CD247: variants seen among roughly 807,000 people sequenced by gnomAD.
The protein encoded by CD247 is CD247 molecule.
In CD247, 13 loss-of-function variants were observed where a neutral mutation model predicts 30.0. That is an observed-to-expected ratio of 0.43 (90% CI 0.28 to 0.69). CD247 has a LOEUF of 0.69. Among genes scored for constraint, CD247 ranks in the 30% least tolerant of loss-of-function variants. The pLI, the probability that CD247 is intolerant of heterozygous loss-of-function variation, is 0.16. For missense variants in CD247, 193 were observed against 212.6 expected (o/e 0.91, Z 0.57); for synonymous variants, 72 against 80.0 (o/e 0.90, Z 0.53).
Position 167,460,501 on chromosome 1 carries a change from CTG to C in CD247, c.59-19736_59-19735del, listed in dbSNP as rs781313197. 7.9e-5 allele frequency among the ~76,000 whole-genome samples: 12 copies of C among 152,326 alleles called. No homozygotes were observed. The South Asian group carries it at 2.3e-3, about 29-fold the overall frequency. Reference sequence around the variant, plus strand: ...TACCTGTGCTTCAGAAAAATCTGCCCTGTGTGCCAAAATGTGCAGAAAGGAGA... The same window carrying C: ...TACCTGTGCTTCAGAAAAATCTGCCCTGTGCCAAAATGTGCAGAAAGGAGA... On this transcript the variant is annotated intron_variant, in intron 1 of 7. Transcript: ENST00000362089.
chr1:167,434,004 AAACAGC>A lies in CD247; in HGVS notation c.393+10_393+15del. ...AAGAGGAACTCCCTCGGAAATTAAGAAACAGCAACACTCACCTCGCCTTTCATCCCA... is the reference window on the plus strand; with the variant it reads ...AAGAGGAACTCCCTCGGAAATTAAGAAACACTCACCTCGCCTTTCATCCCA... On this transcript the variant is annotated intron_variant, in intron 6 of 7. Coordinates refer to ENST00000362089, the MANE Select transcript of CD247 (RefSeq NM_198053.3). 1 of 1,611,228 alleles carries A rather than the reference AAACAGC, an allele frequency of 6.2e-7. No individual in the cohort carries two copies. Among genetic ancestry groups the A allele is most frequent in the African/African-American group, 1.3e-5 (1 of 74,992 alleles).
chr1:167,504,006 A>G (rs1249764600), intron 1 of CD247, among the ~76,000 whole-genome samples: 2 of 151,310 alleles, frequency 1.3e-5, no homozygotes, highest in Admixed American at 6.6e-5. Flanking sequence ...ACAAACCTCA[A>G]CTCCTCCCTC....
chr1:167,473,893 A>G (rs1006718146), intron 1 of CD247, among the ~76,000 whole-genome samples: 2 of 152,102 alleles, frequency 1.3e-5, no homozygotes, highest in Non-Finnish European at 2.9e-5. Context: ...CTTGGAAATT[A>G]ACCACTACAC....
intron 1 of CD247, among the ~76,000 whole-genome samples, chr1:167,467,006 A>AT (rs1653282602): frequency 6.6e-6 from 1 of 151,450 alleles, no homozygotes; most frequent in Non-Finnish European, 1.5e-5. Flanking sequence ...CGCCCTGCTA[A>AT]TTTTTTGTAT....
chr1:167,443,351 G>A (rs1482474441), intron 1 of CD247, among the ~76,000 whole-genome samples: 1 of 152,180 alleles, frequency 6.6e-6, no homozygotes, highest in Non-Finnish European at 1.5e-5. Flanking sequence ...GCTGGGCCCA[G>A]CCCCAGGTGT....
Position 167,486,021 on chromosome 1 carries a change from C to T in CD247, c.58+32387G>A, listed in dbSNP as rs963850485. ...AAGCCTCCTTCCACGGCCCCCACTGCCATCCACACACCACTCTGACCCCTG... is the reference window on the plus strand; with the variant it reads ...AAGCCTCCTTCCACGGCCCCCACTGTCATCCACACACCACTCTGACCCCTG... On this transcript the variant is annotated intron_variant, in intron 1 of 7. Transcript: ENST00000362089. Among the ~76,000 whole-genome samples, 6 of 151,110 alleles carry T rather than the reference C, an allele frequency of 4.0e-5. No individual in the cohort carries two copies. The South Asian group carries it at 1.3e-3, about 32-fold the overall frequency.
At chr1:167,454,690 G>A (rs1652547752) in intron 1 of CD247, among the ~76,000 whole-genome samples, 1 of 152,180 alleles carries the variant, frequency 6.6e-6, no homozygotes, top group Non-Finnish European at 1.5e-5. Context: ...GTGCTGTAAG[G>A]ACGAGATGCT....
chr1:167,517,075 C>G (rs1353724695), intron 1 of CD247, among the ~76,000 whole-genome samples: 1 of 152,224 alleles, frequency 6.6e-6, no homozygotes, highest in Non-Finnish European at 1.5e-5. Flanking sequence ...TCTGGGTCCC[C>G]TTGTCCCCAG....
intron 5 of CD247, chr1:167,435,003 G>C (rs769472779): frequency 3.0e-6 from 1 of 334,686 alleles, no homozygotes; most frequent in Non-Finnish European, 5.5e-6. Flanking sequence ...CCCTTCCTCC[G>C]GAGCCCTCCT....
At position 167,494,341 on chromosome 1, in the gene CD247, GAGGACTGGCC is replaced by G. The variant is rs1052239765; in HGVS notation, c.58+24057_58+24066del. On this transcript the variant is annotated intron_variant, in intron 1 of 7. Coordinates refer to ENST00000362089, the MANE Select transcript of CD247 (RefSeq NM_198053.3). The surrounding 1 kb of genome is among the most constrained non-coding windows in gnomAD (Gnocchi z 7.3). ...TGAAAGAGTCCGATGTTATCTAAGT[GAGGACTGGCC>G]AGGTAATTGGAACGTTCTAGAGACT... is the stretch of plus-strand genomic sequence containing the variant. Among the ~76,000 whole-genome samples the G allele has an allele frequency of 1.3e-5, 2 of 152,216 alleles. No individual in the cohort carries two copies. The highest frequency in any genetic ancestry group is 4.8e-5 in the African/African-American group (2 of 41,452).
At chr1:167,487,882 C>T (rs1654280770) in intron 1 of CD247, among the ~76,000 whole-genome samples, 1 of 152,162 alleles carries the variant, frequency 6.6e-6, no homozygotes, top group Non-Finnish European at 1.5e-5. Flanking sequence ...AAGTATCTAC[C>T]ACCACATCTG....
At chr1:167,513,981 T>A (rs1212740650) in intron 1 of CD247, among the ~76,000 whole-genome samples, 1 of 152,206 alleles carries the variant, frequency 6.6e-6, no homozygotes, top group Non-Finnish European at 1.5e-5. Context: ...TAAAATAACA[T>A]TGTTTAATAC....
chr1:167,503,365 A>G (rs1226853441), intron 1 of CD247, among the ~76,000 whole-genome samples: 1 of 152,192 alleles, frequency 6.6e-6, no homozygotes, highest in Non-Finnish European at 1.5e-5. Flanking sequence ...ACTTCCTCTT[A>G]GAGCCCTCAC....
chr1:167,509,369 C>CAAA (rs35004744), intron 1 of CD247, among the ~76,000 whole-genome samples: 10 of 63,822 alleles, frequency 1.6e-4, no homozygotes, highest in African/African-American at 2.2e-4. Context: ...AACTCTGTCT[C>CAAA]AAAAAAAAAA....
intron 1 of CD247, among the ~76,000 whole-genome samples, chr1:167,493,756 G>A (rs761609818): frequency 6.6e-6 from 1 of 152,168 alleles, no homozygotes; most frequent in Non-Finnish European, 1.5e-5. Context: ...CGTGTCCGAG[G>A]CCCCACAGCT....
chr1:167,506,220 T>TTTTTC (rs887856549), intron 1 of CD247, among the ~76,000 whole-genome samples: 19 of 78,684 alleles, frequency 2.4e-4, no homozygotes, highest in East Asian at 8.4e-4. Context: ...CCATCTTTCT[T>TTTTTC]TTTTCTTTTC....
At chr1:167,511,059 G>C (rs1409530367) in intron 1 of CD247, among the ~76,000 whole-genome samples, 1 of 152,196 alleles carries the variant, frequency 6.6e-6, no homozygotes, top group Admixed American at 6.5e-5. Flanking sequence ...TACCTGCACC[G>C]AGCCTGCAGG....
intron 1 of CD247, among the ~76,000 whole-genome samples, chr1:167,510,755 G>A (rs542181230): frequency 2.6e-5 from 4 of 152,156 alleles, no homozygotes; most frequent in Non-Finnish European, 5.9e-5. Flanking sequence ...CAGCAAAAGA[G>A]GGGGGTAGGG....
intron 1 of CD247, among the ~76,000 whole-genome samples, chr1:167,441,473 T>C (rs550202608): frequency 6.6e-6 from 1 of 152,120 alleles, no homozygotes; most frequent in Non-Finnish European, 1.5e-5. Context: ...CTCAGCCTTC[T>C]CTGTCTCCCC....
Sources: allele counts gnomAD v4.1 joint callset (sites outside exome capture counted in the v4.1 genomes callset), GRCh38; gene constraint gnomAD v4.1.1; non-coding constraint Gnocchi (gnomAD v3.1); transcripts MANE v1.5; gene names NCBI Gene and HGNC (gene_info 2026-07-23, HGNC 2026-07-21).